Variants in MAPK10 observed in about 807,000 individuals in gnomAD.
MAPK10 encodes the protein mitogen-activated protein kinase 10.
A neutral mutation model predicts 59.3 loss-of-function variants in MAPK10; 25 were observed. The ratio of observed to expected loss-of-function variants is 0.42; its 90% CI spans 0.31 to 0.59. The LOEUF (loss-of-function observed/expected upper bound fraction) is 0.59, where lower values mean the gene tolerates loss of function less well. MAPK10 is among the 20% of genes least tolerant of loss of function. The pLI, the probability that MAPK10 is intolerant of heterozygous loss-of-function variation, is 0.15. For synonymous variants in MAPK10, 190 were observed against 200.5 expected (o/e 0.95, Z 0.44); for missense variants, 351 against 568.9 (o/e 0.62, Z 3.90).
chr4:86,146,719 T>C (rs577310264), intron 4 of MAPK10, among the ~76,000 whole-genome samples: 4 of 152,220 alleles, frequency 2.6e-5, no homozygotes, highest in Non-Finnish European at 5.9e-5. Context: ...CTTTCCCCTA[T>C]CTACTTCCAC....
At chr4:86,588,903 A>G (rs2149116103) in intron 1 of MAPK10, among the ~76,000 whole-genome samples, 1 of 152,332 alleles carries the variant, frequency 6.6e-6, no homozygotes, top group Middle Eastern at 3.4e-3. Flanking sequence ...AGATTTTTAT[A>G]TGGAAATCTA....
Position 86,200,677 on chromosome 4 carries a change from A to T in MAPK10, c.-6-6270T>A, listed in dbSNP as rs189288611. Among the ~76,000 whole-genome samples the T allele has an allele frequency of 1.7e-3, 238 of 138,426 alleles. No individual in the cohort carries two copies. The Middle Eastern group carries it at 0.021, about 12-fold the overall frequency. 90.8% of individuals were successfully genotyped at this position (138,426 alleles called of 152,430 possible). On this transcript the variant is annotated intron_variant, in intron 2 of 13. Coordinates refer to ENST00000641462, the MANE Select transcript of MAPK10 (RefSeq NM_138982.4). ...AGGGAAAATGCGTAGAGAAGAAATT[A>T]TTGGATTGAGGAATAATATGTGTAA...
chr4:86,448,126 CA>C (rs1264496050), intron 1 of MAPK10, among the ~76,000 whole-genome samples: 1 of 151,616 alleles, frequency 6.6e-6, no homozygotes, highest in East Asian at 1.9e-4. Flanking sequence ...CACACATACA[CA>C]AAAAAAACAC....
intron 2 of MAPK10, among the ~76,000 whole-genome samples, chr4:86,283,347 C>A (rs2094887305): frequency 6.6e-6 from 1 of 152,142 alleles, no homozygotes; most frequent in Admixed American, 6.5e-5. Context: ...CAAAGCTGAT[C>A]AATATAATCT....
chr4:86,135,516 C>A (rs1270808005), intron 4 of MAPK10, among the ~76,000 whole-genome samples: 1 of 152,062 alleles, frequency 6.6e-6, no homozygotes, highest in Non-Finnish European at 1.5e-5. Flanking sequence ...GAAAGGACAT[C>A]CACACCAAAA....
chr4:86,450,313 T>C (rs1412026301), intron 1 of MAPK10, among the ~76,000 whole-genome samples: 1 of 152,206 alleles, frequency 6.6e-6, no homozygotes. Flanking sequence ...GTGCTGTCAG[T>C]AGGAAATTCC....
intron 11 of MAPK10, among the ~76,000 whole-genome samples, chr4:86,052,276 T>C (rs767570954): frequency 6.6e-6 from 1 of 152,162 alleles, no homozygotes; most frequent in Non-Finnish European, 1.5e-5. Context: ...AATCTTTTTG[T>C]TATGTCTATA....
intron 1 of MAPK10, among the ~76,000 whole-genome samples, chr4:86,469,783 T>C (rs977761110): frequency 6.6e-6 from 1 of 152,180 alleles, no homozygotes; most frequent in South Asian, 2.1e-4. Context: ...ATACCAGATA[T>C]AGCTTATTCT....
intron 1 of MAPK10, among the ~76,000 whole-genome samples, chr4:86,478,917 C>G (rs1177337177): frequency 1.3e-5 from 2 of 152,168 alleles, no homozygotes; most frequent in Non-Finnish European, 2.9e-5. Flanking sequence ...ACTTCTCAGT[C>G]TTCCATCTGC....
At chr4:86,392,297 G>C (rs1323936201) in intron 1 of MAPK10, 1 of 152,190 alleles carries the variant, frequency 6.6e-6, no homozygotes, top group East Asian at 1.9e-4. Context: ...AAATTAGCTG[G>C]TCACGCTGGC....
chr4:86,075,566 G>C (rs2049130553), intron 9 of MAPK10, among the ~76,000 whole-genome samples: 1 of 152,194 alleles, frequency 6.6e-6, no homozygotes, highest in South Asian at 2.1e-4. Context: ...GTACAGATGG[G>C]TTTTCAGTGT....
At chr4:86,362,414 A>AT (rs1737158678), upstream of MAPK10, among the ~76,000 whole-genome samples, 1 of 150,844 alleles carries the variant, frequency 6.6e-6, no homozygotes, top group South Asian at 2.1e-4. Flanking sequence ...AGCACTTACC[A>AT]TAAAAAAAAA....
chr4:86,557,411 T>C (rs141463760), intron 1 of MAPK10, among the ~76,000 whole-genome samples: 1,867 of 152,166 alleles, frequency 0.012, 33 homozygotes, highest in African/African-American at 0.043. Context: ...CTACTGACTG[T>C]CACTAAAAAC....
At chr4:86,547,330 T>TG (rs543935792) in intron 1 of MAPK10, among the ~76,000 whole-genome samples, 1 of 152,138 alleles carries the variant, frequency 6.6e-6, no homozygotes, top group African/African-American at 2.4e-5. Context: ...GGAGAGGCGC[T>TG]GGGGGGAACC....
chr4:86,174,525 T>C (rs1002345413), intron 3 of MAPK10, among the ~76,000 whole-genome samples: 17 of 152,142 alleles, frequency 1.1e-4, no homozygotes, highest in African/African-American at 2.9e-4. Context: ...GGTGGGTTGA[T>C]AGGTGCAGGA....
chr4:86,561,130 G>C (rs555237149), intron 1 of MAPK10, among the ~76,000 whole-genome samples: 1 of 152,256 alleles, frequency 6.6e-6, no homozygotes, highest in South Asian at 2.1e-4. Context: ...TTCCTCACAT[G>C]CACCGTTCAC....
intron 4 of MAPK10, among the ~76,000 whole-genome samples, chr4:86,156,559 G>T (rs2067835631): frequency 6.6e-6 from 1 of 151,900 alleles, no homozygotes; most frequent in African/African-American, 2.4e-5. Flanking sequence ...ACCAGCCCTG[G>T]CAAGCTGTCT....
chr4:86,199,311 T>A (rs1372477029), intron 2 of MAPK10, among the ~76,000 whole-genome samples: 1 of 151,932 alleles, frequency 6.6e-6, no homozygotes, highest in Admixed American at 6.6e-5. Context: ...GAAAGAACAA[T>A]GAATAAATAA....
intron 2 of MAPK10, among the ~76,000 whole-genome samples, chr4:86,222,750 C>T (rs1430277718): frequency 6.6e-6 from 1 of 152,190 alleles, no homozygotes; most frequent in East Asian, 1.9e-4. Flanking sequence ...CTCCAGGCCT[C>T]CAGAAGATCT....
Sources: gnomAD v4.1 joint callset for allele counts (sites outside exome capture counted in the v4.1 genomes callset) on GRCh38, gnomAD v4.1.1 for gene constraint, MANE v1.5 for transcripts, NCBI Gene and HGNC (gene_info 2026-07-23, HGNC 2026-07-21) for gene names.